Variants in DLGAP2 observed in about 807,000 individuals in gnomAD.
DLGAP2 encodes disks large-associated protein 2.
In DLGAP2, 26 loss-of-function variants were observed where a neutral mutation model predicts 100.3. That is an observed-to-expected ratio of 0.26 (90% CI 0.19 to 0.36). DLGAP2 has a LOEUF of 0.36. Ranked by LOEUF, DLGAP2 falls within the 10% of genes least tolerant of loss-of-function variation. DLGAP2 has a pLI of 1.00. For synonymous variants in DLGAP2, 886 were observed against 630.1 expected (o/e 1.41, Z -6.08); for missense variants, 1,858 against 1,453.2 (o/e 1.28, Z -4.53).
intron 2 of DLGAP2, among the ~76,000 whole-genome samples, chr8:1,135,723 A>G (rs1380048268): frequency 6.6e-6 from 1 of 152,068 alleles, no homozygotes; most frequent in Admixed American, 6.5e-5. Context: ...AAACCTCTCC[A>G]TGGATCCCTA....
chr8:859,972 T>C (rs987486284), intron 1 of DLGAP2, among the ~76,000 whole-genome samples: 5 of 152,216 alleles, frequency 3.3e-5, no homozygotes, highest in Admixed American at 1.3e-4. Context: ...TTGTTTGTTT[T>C]TGGAGCTTAT....
At chr8:1,668,710 G>A (rs1316428848) in intron 9 of DLGAP2, 32 bp downstream of exon 9, 9 of 1,484,850 alleles carry the variant, frequency 6.1e-6, no homozygotes, top group Non-Finnish European at 6.3e-6. Flanking sequence ...TCAGGGCCTC[G>A]CTCCACTCAG....
chr8:1,426,380 C>T (rs1343218155), intron 3 of DLGAP2, among the ~76,000 whole-genome samples: 2 of 152,012 alleles, frequency 1.3e-5, no homozygotes, highest in Admixed American at 6.6e-5. Flanking sequence ...AGAACATGGC[C>T]AAGGAATACA....
At chr8:1,176,034 A>G (rs1304307702) in intron 2 of DLGAP2, among the ~76,000 whole-genome samples, 1 of 152,174 alleles carries the variant, frequency 6.6e-6, no homozygotes, top group Non-Finnish European at 1.5e-5. Flanking sequence ...TCCCAGATGG[A>G]TAAGCCCATT....
rs1043657963 is a variant in DLGAP2, at chr8:1,556,180, G to A, written c.1230+6497G>A. The stretch of plus-strand genomic sequence containing the variant: ...TTTATGCCATGACGGCCACCGAGTG[G>A]TCACCTTGTTCTGGGCACAGTGCCC... On this transcript the variant is annotated intron_variant, in intron 5 of 14. Coordinates refer to ENST00000637795, the MANE Select transcript of DLGAP2 (RefSeq NM_001346810.2). Among the ~76,000 whole-genome samples, 16 of 152,240 alleles carry A rather than the reference G, an allele frequency of 1.1e-4. 1 individual carries two copies. Among genetic ancestry groups the A allele is most frequent in the Admixed American group, 9.2e-4 (14 of 15,290 alleles).
chr8:987,837 C>A (rs1254633289), intron 2 of DLGAP2, among the ~76,000 whole-genome samples: 2 of 152,162 alleles, frequency 1.3e-5, no homozygotes, highest in African/African-American at 4.8e-5. Flanking sequence ...CAACATATGA[C>A]AGATAAAAAG....
chr8:1,411,286 A>G (rs1015201205), intron 3 of DLGAP2, among the ~76,000 whole-genome samples: 3 of 152,262 alleles, frequency 2.0e-5, no homozygotes, highest in South Asian at 2.1e-4. Context: ...ATACTATAAT[A>G]AGTCAAAGAA....
intron 3 of DLGAP2, chr8:1,379,560 C>T (rs996000221): frequency 6.6e-6 from 1 of 152,230 alleles, no homozygotes; most frequent in Non-Finnish European, 1.5e-5. Context: ...TCAGTCTCTT[C>T]TTGTAAGAAC....
intron 6 of DLGAP2, among the ~76,000 whole-genome samples, chr8:1,616,518 G>C (rs1268942129): frequency 6.6e-6 from 1 of 152,184 alleles, no homozygotes; most frequent in Non-Finnish European, 1.5e-5. Context: ...ACAGAAACCA[G>C]AGGAATAATT....
At chr8:1,591,071 C>A (rs972193699) in intron 6 of DLGAP2, among the ~76,000 whole-genome samples, 1 of 152,218 alleles carries the variant, frequency 6.6e-6, no homozygotes, top group Non-Finnish European at 1.5e-5. Flanking sequence ...CGGGACCCAA[C>A]CCCATGCCGG....
At chr8:1,683,224 A>AG (rs1412391863) in intron 12 of DLGAP2, among the ~76,000 whole-genome samples, 2 of 151,628 alleles carry the variant, frequency 1.3e-5, no homozygotes, top group Non-Finnish European at 3.0e-5. Flanking sequence ...GATTCTCAGA[A>AG]GGCTTCCTGG....
chr8:958,112 T>G (rs1799636736), intron 2 of DLGAP2, among the ~76,000 whole-genome samples: 1 of 152,188 alleles, frequency 6.6e-6, no homozygotes, highest in Non-Finnish European at 1.5e-5. Context: ...TTCTAGATGT[T>G]TCTCAAAAGC....
At chr8:784,233 G>T (rs1821778447) in intron 1 of DLGAP2, among the ~76,000 whole-genome samples, 1 of 152,116 alleles carries the variant, frequency 6.6e-6, no homozygotes, top group Non-Finnish European at 1.5e-5. Flanking sequence ...ATATTTTAGG[G>T]TCACCTATAA....
chr8:1,094,851 A>G (rs979747276), intron 2 of DLGAP2, among the ~76,000 whole-genome samples: 1 of 152,246 alleles, frequency 6.6e-6, no homozygotes, highest in Non-Finnish European at 1.5e-5. Context: ...TTATCCAAGC[A>G]AACGTCCTGA....
At chr8:1,491,350 G>A (rs936708087) in intron 3 of DLGAP2, among the ~76,000 whole-genome samples, 15 of 152,216 alleles carry the variant, frequency 9.9e-5, no homozygotes, top group African/African-American at 3.1e-4. Context: ...CGGAGGCTTC[G>A]GGCCGCTCCC....
chr8:997,340 C>T (rs1024784332), intron 2 of DLGAP2, among the ~76,000 whole-genome samples: 2 of 152,024 alleles, frequency 1.3e-5, no homozygotes, highest in Non-Finnish European at 1.5e-5. Flanking sequence ...CTGGGGAGCC[C>T]GGATCATTTT....
At chr8:1,116,171 C>T (rs1471215419) in intron 2 of DLGAP2, among the ~76,000 whole-genome samples, 1 of 152,216 alleles carries the variant, frequency 6.6e-6, no homozygotes, top group African/African-American at 2.4e-5. Flanking sequence ...GCGCAGGCGT[C>T]AGCTGGGGAC....
intron 1 of DLGAP2, among the ~76,000 whole-genome samples, chr8:803,264 C>G (rs1796206632): frequency 6.6e-6 from 1 of 152,224 alleles, no homozygotes; most frequent in African/African-American, 2.4e-5. Context: ...TTCCCCCAGC[C>G]TGGAGCTCAC....
At position 1,437,233 on chromosome 8, in the gene DLGAP2, G is replaced by A. The variant is rs189880153; in HGVS notation, c.107-64133G>A. 4.1e-3 allele frequency among the ~76,000 whole-genome samples: 618 copies of A among 151,990 alleles called. 4 individuals carry two copies. Among genetic ancestry groups the A allele is most frequent in the African/African-American group, 0.014 (592 of 41,390 alleles). ...TAAGGGTGACGCCATCCGGGTCTGC[G>A]TTCAGCCCAGGCGCGTAAGGGTGAC... On this transcript the variant is annotated intron_variant, in intron 3 of 14. Transcript: ENST00000637795.
Sources: gnomAD v4.1 joint callset for allele counts (sites outside exome capture counted in the v4.1 genomes callset) on GRCh38, gnomAD v4.1.1 for gene constraint, MANE v1.5 for transcripts, NCBI Gene and HGNC (gene_info 2026-07-23, HGNC 2026-07-21) for gene names.